ZEB1: variants seen among roughly 807,000 people sequenced by gnomAD.
ZEB1 encodes zinc finger E-box-binding homeobox 1.
ZEB1 carries 21 observed loss-of-function variants against 84.9 expected under a neutral mutation model. The ratio of observed to expected loss-of-function variants is 0.25; its 90% CI spans 0.18 to 0.36. The LOEUF is 0.36. Ranked by LOEUF, ZEB1 falls within the 10% of genes least tolerant of loss-of-function variation. The pLI is 1.00. For synonymous variants in ZEB1, 420 were observed against 471.1 expected, an observed-to-expected ratio of 0.89 and a Z score of 1.41; for missense variants, 1,104 against 1,330.2, an observed-to-expected ratio of 0.83 and a Z score of 2.65.
chr10:31,323,695 C>A (rs2034716474), intron 1 of ZEB1, among the ~76,000 whole-genome samples: 1 of 151,976 alleles, frequency 6.6e-6, no homozygotes, highest in Non-Finnish European at 1.5e-5. Flanking sequence ...ATATAAATTG[C>A]ATATAAATAA....
intron 1 of ZEB1, among the ~76,000 whole-genome samples, chr10:31,410,538 T>G (rs1009539107): frequency 6.6e-6 from 1 of 152,014 alleles, no homozygotes; most frequent in Non-Finnish European, 1.5e-5. Flanking sequence ...TAGGGAGGAG[T>G]CCCTCTTTTT....
At chr10:31,510,542 T>C (rs748243919) in intron 4 of ZEB1, 131 bp from the exon 5 acceptor site, 2 of 722,758 alleles carry the variant, frequency 2.8e-6, no homozygotes, top group Non-Finnish European at 4.8e-6. Context: ...ATGAGTATCA[T>C]TGCATTGTTT....
rs1328437205 is a variant in ZEB1 at position 31,510,752 on chromosome 10, A to G, written c.564A>G (p.Glu188=). The G allele has an allele frequency of 1.9e-6, 3 of 1,613,960 alleles. No individual in the cohort carries two copies. Among genetic ancestry groups the G allele is most frequent in the African/African-American group, 1.3e-5 (1 of 75,062 alleles). ...ATAAACGCTTTACCTCTCTGAAAGA[A>G]CACATTAAATATCGTCATGAAAAGA... ...RGYKRFTSLK[E]HIKYRHEKNE... Residue 188 remains glutamate (E), a synonymous_variant, in exon 5 of 9, where the codon GAA becomes GAG. Coordinates refer to ENST00000424869, the MANE Select transcript of ZEB1 (RefSeq NM_001174096.2).
intron 1 of ZEB1, among the ~76,000 whole-genome samples, chr10:31,395,323 T>C (rs2135351797): frequency 6.6e-6 from 1 of 152,278 alleles, no homozygotes; most frequent in East Asian, 1.9e-4. Context: ...TTTTTTTCTT[T>C]TTATTTATAG....
intron 6 of ZEB1, among the ~76,000 whole-genome samples, chr10:31,517,481 A>G (rs1396956005): frequency 2.0e-5 from 3 of 148,238 alleles, no homozygotes; most frequent in Non-Finnish European, 4.4e-5. Flanking sequence ...AGATGCAGCC[A>G]AACACCCACC....
chr10:31,444,876 A>C, intron 1 of ZEB1, among the ~76,000 whole-genome samples: 1 of 152,040 alleles, frequency 6.6e-6, no homozygotes. Flanking sequence ...CTTTTGGCTT[A>C]GGATTGACTT....
intron 2 of ZEB1, among the ~76,000 whole-genome samples, chr10:31,472,475 C>T (rs1362141932): frequency 2.6e-5 from 4 of 151,826 alleles, no homozygotes; most frequent in Admixed American, 6.6e-5. Context: ...GGATACATTC[C>T]TCGACACATA....
chr10:31,507,450 C>T (rs2069173567), intron 4 of ZEB1, among the ~76,000 whole-genome samples: 1 of 152,012 alleles, frequency 6.6e-6, no homozygotes, highest in Admixed American at 6.6e-5. Flanking sequence ...TCCTCTTTGC[C>T]TTATAACACA....
At chr10:31,322,540 G>A (rs2034398279) in intron 1 of ZEB1, among the ~76,000 whole-genome samples, 1 of 152,190 alleles carries the variant, frequency 6.6e-6, no homozygotes, top group Non-Finnish European at 1.5e-5. Context: ...ATCAGGTAAT[G>A]TAACTGACAG....
chr10:31,445,507 A>G (rs2136770961), intron 1 of ZEB1, among the ~76,000 whole-genome samples: 1 of 150,692 alleles, frequency 6.6e-6, no homozygotes, highest in Non-Finnish European at 1.5e-5. Flanking sequence ...TTTCAAAGGG[A>G]ATGCTTCCAG....
At chr10:31,319,042 C>T (rs1401435122), upstream of ZEB1, 23 of 637,730 alleles carry the variant, frequency 3.6e-5, 1 homozygote, top group East Asian at 5.7e-4. Flanking sequence ...CCGCAAACCG[C>T]CCGGTCCCTA....
At chr10:31,340,030 G>T (rs1371112424) in intron 1 of ZEB1, among the ~76,000 whole-genome samples, 1 of 152,076 alleles carries the variant, frequency 6.6e-6, no homozygotes, top group Non-Finnish European at 1.5e-5. Flanking sequence ...GGGTATAAAC[G>T]TCATGAAATG....
In ZEB1 at chr10:31,452,726, TGTGTGTGTGTGTGTGTGAGAGAGAGA is replaced by T. The variant is rs1022955258; in HGVS notation, c.59-8309_59-8284del. 5.7e-5 allele frequency among the ~76,000 whole-genome samples: 7 copies of T among 121,852 alleles called. No homozygotes were observed. In the South Asian group the frequency reaches 7.8e-4, roughly 14 times the overall value. 79.9% of individuals were successfully genotyped at this position (121,852 alleles called of 152,430 possible). On this transcript the variant is annotated intron_variant, in intron 1 of 8. Transcript: ENST00000424869. Reference sequence around the variant, plus strand: ...ATGTGTGTGTGTGTGTGTGTGTGTGTGTGTGTGTGTGTGTGTGAGAGAGAGAGAGAGAGAGAGAGAGAGAGAGAGAT... The same window carrying T: ...ATGTGTGTGTGTGTGTGTGTGTGTGTGAGAGAGAGAGAGAGAGAGAGAGAT...
At chr10:31,513,106 G>A (rs554408350) in intron 5 of ZEB1, among the ~76,000 whole-genome samples, 56 of 152,292 alleles carry the variant, frequency 3.7e-4, no homozygotes, top group Admixed American at 7.2e-4. Flanking sequence ...CTGACTGTTG[G>A]ATGATAGATA....
intron 1 of ZEB1, among the ~76,000 whole-genome samples, chr10:31,376,314 C>T (rs1184491068): frequency 6.6e-6 from 1 of 151,678 alleles, no homozygotes; most frequent in Admixed American, 6.6e-5. Context: ...TTTTAATCCG[C>T]TCATACTCCT....
chr10:31,424,626 A>C lies in ZEB1; in HGVS notation c.59-36411A>C, dbSNP rs1469299565. ...AAAGTGTATGAGGCTATTTATAATC[A>C]ACTCTGTGGAAGTGATTAAAGAGGT... On this transcript the variant is annotated intron_variant, in intron 1 of 8. Coordinates refer to ENST00000424869, the MANE Select transcript of ZEB1 (RefSeq NM_001174096.2). Among the ~76,000 whole-genome samples, 4 of 152,106 alleles carry C rather than the reference A, an allele frequency of 2.6e-5. 1 individual carries two copies. Among genetic ancestry groups the C allele is most frequent in the Admixed American group, 2.0e-4 (3 of 15,280 alleles).
chr10:31,468,423 A>G (rs537303042), intron 2 of ZEB1, among the ~76,000 whole-genome samples: 1 of 152,262 alleles, frequency 6.6e-6, no homozygotes, highest in South Asian at 2.1e-4. Flanking sequence ...ATATCATTGC[A>G]CAGCACTCAG....
chr10:31,387,236 C>G, intron 1 of ZEB1: 1 of 985,780 alleles, frequency 1.0e-6, no homozygotes, highest in South Asian at 4.7e-5. Context: ...AGAACTTGAT[C>G]AGTTTGTGTC....
At chr10:31,407,242 C>T (rs2053275995) in intron 1 of ZEB1, among the ~76,000 whole-genome samples, 1 of 112,320 alleles carries the variant, frequency 8.9e-6, no homozygotes, top group South Asian at 3.9e-4. Flanking sequence ...CTATCCCTCC[C>T]CCCTCCCCCC....
Sources: gnomAD v4.1 joint callset for allele counts (sites outside exome capture counted in the v4.1 genomes callset) on GRCh38, gnomAD v4.1.1 for gene constraint, MANE v1.5 for transcripts, NCBI Gene and HGNC (gene_info 2026-07-23, HGNC 2026-07-21) for gene names.